MAP7D2: variants seen among roughly 807,000 people sequenced by gnomAD.
MAP7D2 encodes MAP7 domain containing 2, also known as MAP7 domain-containing protein 2.
Under a neutral mutation model 63.5 loss-of-function variants are expected in MAP7D2, and 33 were observed. That is an observed-to-expected ratio of 0.52 (90% CI 0.39 to 0.70). MAP7D2 has a LOEUF of 0.70. MAP7D2 is among the 30% of genes least tolerant of loss of function. MAP7D2 has a pLI of 0.00. For synonymous variants in MAP7D2, 224 were observed against 223.7 expected (o/e 1.00, Z -0.01); for missense variants, 626 against 604.0 (o/e 1.04, Z -0.38).
At chrX:20,116,572 G>A in intron 1 of MAP7D2, 178 bp downstream of exon 1, 2 of 955,538 alleles carry the variant, frequency 2.1e-6, no homozygotes, top group Non-Finnish European at 2.6e-6. Context: ...CGCACAGAGA[G>A]GGGTGCGGCC....
intron 5 of MAP7D2, among the ~76,000 whole-genome samples, chrX:20,051,224 T>C (rs1189299613): frequency 9.0e-6 from 1 of 111,258 alleles, no homozygotes; most frequent in East Asian, 2.8e-4. Flanking sequence ...CTCAGAGAAT[T>C]AGCCCACCTC....
At chrX:20,064,869 T>C (rs893229548) in intron 1 of MAP7D2, 64 bp from the exon 2 acceptor site, 11 of 1,002,584 alleles carry the variant, frequency 1.1e-5, no homozygotes, top group Admixed American at 2.2e-5. Context: ...CTAAGTACTA[T>C]AGGCAACTGG....
At chrX:20,091,115 C>T (rs1285897198) in intron 1 of MAP7D2, among the ~76,000 whole-genome samples, 30 of 103,005 alleles carry the variant, frequency 2.9e-4, no homozygotes, top group African/African-American at 1.0e-3. Flanking sequence ...TGCAGTGGCG[C>T]GATCTCAGCT....
chrX:20,023,725 G>A (rs1210513053), intron 10 of MAP7D2, among the ~76,000 whole-genome samples: 1 of 111,212 alleles, frequency 9.0e-6, no homozygotes, highest in Non-Finnish European at 1.9e-5. Context: ...TATCTCCATG[G>A]CCTGCAATTA....
chrX:20,028,855 G>A (rs755996980), intron 8 of MAP7D2, among the ~76,000 whole-genome samples: 5 of 112,304 alleles, frequency 4.5e-5, no homozygotes, highest in South Asian at 3.7e-4. Flanking sequence ...AGACTATCTC[G>A]TGGTAGATGA....
At chrX:20,026,753 G>C (rs1442185195) in intron 8 of MAP7D2, among the ~76,000 whole-genome samples, 1 of 111,931 alleles carries the variant, frequency 8.9e-6, no homozygotes, top group Non-Finnish European at 1.9e-5. Flanking sequence ...CGCCAGCCTA[G>C]GCTGGGCTCC....
rs183237815 is a variant in MAP7D2, at chrX:20,056,410, G to A, written c.484+270C>T. Reference sequence around the variant, plus strand: ...CTGGGCCCAGCTCACTGGGCTCTGCGTTCAAAGTCTTCTCTTTTGCTCTCC... The same window carrying A: ...CTGGGCCCAGCTCACTGGGCTCTGCATTCAAAGTCTTCTCTTTTGCTCTCC... On this transcript the variant is annotated intron_variant, in intron 4 of 16. Coordinates refer to ENST00000379643, the MANE Select transcript of MAP7D2 (RefSeq NM_001168465.2). 1.3e-4 allele frequency among the ~76,000 whole-genome samples: 14 copies of A among 111,703 alleles called. No individual in the cohort carries two copies. The East Asian group carries it at 2.5e-3, about 20-fold the overall frequency.
At chrX:20,054,718 G>A (rs763035664) in intron 4 of MAP7D2, among the ~76,000 whole-genome samples, 1 of 111,150 alleles carries the variant, frequency 9.0e-6, no homozygotes, top group African/African-American at 3.3e-5. Context: ...AGTAGCTGGG[G>A]CTCCAGGCAC....
intron 10 of MAP7D2, chrX:20,017,064 T>C (rs1013218541): frequency 1.8e-5 from 2 of 113,818 alleles, no homozygotes; most frequent in Middle Eastern, 6.7e-4. Flanking sequence ...TTAACCTTTC[T>C]AATGTTCCTC....
At chrX:20,085,390 C>T (rs1432845698) in intron 1 of MAP7D2, among the ~76,000 whole-genome samples, 2 of 112,172 alleles carry the variant, frequency 1.8e-5, no homozygotes, top group Non-Finnish European at 1.9e-5. Context: ...TAAAAAAATA[C>T]AGCATTTCCC....
intron 6 of MAP7D2, among the ~76,000 whole-genome samples, chrX:20,048,707 C>T (rs768046131): frequency 3.6e-5 from 4 of 109,804 alleles, no homozygotes; most frequent in African/African-American, 6.6e-5. Flanking sequence ...AGATGGGTCG[C>T]GCTTGAGCCC....
rs376409415 is a variant in MAP7D2, at chrX:20,113,648, C to T, written c.130+3102G>A. On this transcript the variant is annotated intron_variant, in intron 1 of 16. Transcript: ENST00000379643. ...TTGGGGACCCAATGCCTTTGCTACT[C>T]GGGCCCACTCTACTTTTTTTTTTAT... Among the ~76,000 whole-genome samples, 16 of 111,500 alleles carry T rather than the reference C, an allele frequency of 1.4e-4. No individual in the cohort carries two copies. In the South Asian group the frequency reaches 2.6e-3, roughly 18 times the overall value.
intron 13 of MAP7D2, 91 bp downstream of exon 13, chrX:20,013,478 C>G: frequency 1.2e-6 from 1 of 829,752 alleles, no homozygotes; most frequent in Non-Finnish European, 1.7e-6. Context: ...TCTGGCTAAT[C>G]GTCGCCAAGA....
At chrX:20,009,064 T>C (rs1054852788) in intron 16 of MAP7D2, among the ~76,000 whole-genome samples, 1 of 111,589 alleles carries the variant, frequency 9.0e-6, no homozygotes, top group Non-Finnish European at 1.9e-5. Flanking sequence ...ATTTAGTGTT[T>C]TAAGTGTCCA....
chrX:20,091,887 T>C (rs1273739236), intron 1 of MAP7D2, among the ~76,000 whole-genome samples: 1 of 112,133 alleles, frequency 8.9e-6, no homozygotes, highest in African/African-American at 3.2e-5. Flanking sequence ...GCAAGATGGT[T>C]TGCCTTGAAT....
intron 1 of MAP7D2, among the ~76,000 whole-genome samples, chrX:20,081,692 G>C (rs769393541): frequency 2.8e-5 from 3 of 105,522 alleles, no homozygotes; most frequent in Admixed American, 2.1e-4. Flanking sequence ...TCACTCGGTC[G>C]CCTAGGCTGG....
intron 1 of MAP7D2, among the ~76,000 whole-genome samples, chrX:20,068,147 T>C (rs1307808534): frequency 8.9e-6 from 1 of 112,265 alleles, no homozygotes; most frequent in Non-Finnish European, 1.9e-5. Context: ...ACATGGGCAA[T>C]GTGGAATCTC....
chrX:20,039,740 C>A (rs2064597497), intron 8 of MAP7D2, among the ~76,000 whole-genome samples: 1 of 111,185 alleles, frequency 9.0e-6, no homozygotes, highest in Non-Finnish European at 1.9e-5. Context: ...GTGGCTCACA[C>A]CTGTAATCCC....
At chrX:20,096,259 CTTT>C (rs777881819) in intron 1 of MAP7D2, among the ~76,000 whole-genome samples, 3 of 86,965 alleles carry the variant, frequency 3.4e-5, no homozygotes, top group Non-Finnish European at 4.6e-5. Context: ...AGACCCTGTC[CTTT>C]TTTTTTTTTT....
Sources: allele counts gnomAD v4.1 joint callset (sites outside exome capture counted in the v4.1 genomes callset), GRCh38; gene constraint gnomAD v4.1.1; transcripts MANE v1.5; gene names NCBI Gene and HGNC (gene_info 2026-07-23, HGNC 2026-07-21).